The following ADAM22 variants were observed in gnomAD, a reference collection of about 807,000 sequenced individuals.
ADAM22 encodes disintegrin and metalloproteinase domain-containing protein 22.
Under a neutral mutation model 144.6 loss-of-function variants are expected in ADAM22, and 65 were observed. The observed-to-expected ratio is 0.45, with a 90% CI of 0.37 to 0.55. The LOEUF is 0.55. Ranked by LOEUF, ADAM22 falls within the 20% of genes least tolerant of loss-of-function variation. The probability of loss-of-function intolerance (pLI) is 0.00; values close to 1 mark genes in which losing one functional copy is unlikely to be tolerated. For missense variants in ADAM22, 974 were observed against 1,184.9 expected (o/e 0.82, Z 2.61); for synonymous variants, 391 against 412.6 (o/e 0.95, Z 0.63).
At chr7:88,058,535 T>C (rs1341816838) in intron 3 of ADAM22, among the ~76,000 whole-genome samples, 2 of 152,230 alleles carry the variant, frequency 1.3e-5, no homozygotes, top group East Asian at 1.9e-4. Context: ...CTTACCTTCA[T>C]AGGACATAAC....
intron 23 of ADAM22, among the ~76,000 whole-genome samples, chr7:88,165,477 A>G (rs1842740223): frequency 6.6e-6 from 1 of 152,130 alleles, no homozygotes; most frequent in East Asian, 1.9e-4. Context: ...AAGGAAGGAA[A>G]CCTTTGTATT....
intron 3 of ADAM22, among the ~76,000 whole-genome samples, chr7:88,020,257 G>C (rs760590363): frequency 4.6e-5 from 7 of 152,192 alleles, no homozygotes; most frequent in African/African-American, 1.2e-4. Context: ...AAACTCATTA[G>C]TATATTTTTT....
intron 3 of ADAM22, among the ~76,000 whole-genome samples, chr7:87,991,352 ATTTTTTTTTTTTTTT>A (rs10549124): frequency 2.7e-4 from 23 of 86,040 alleles, no homozygotes; most frequent in Admixed American, 1.6e-3. Flanking sequence ...CACTAGCCTT[ATTTTTTTTTTTTTTT>A]TTTTTTTTTT....
intron 7 of ADAM22, among the ~76,000 whole-genome samples, chr7:88,123,896 C>T (rs1462970897): frequency 1.3e-5 from 2 of 151,718 alleles, no homozygotes; most frequent in African/African-American, 4.8e-5. Flanking sequence ...AGCTCAGTAT[C>T]GAAATACTTG....
Position 88,132,656 on chromosome 7 carries a change from A to G in ADAM22, c.993-211A>G. 1 of 410,814 alleles carries G rather than the reference A, an allele frequency of 2.4e-6. No individual in the cohort carries two copies. The highest frequency in any genetic ancestry group is 4.5e-6 in the Non-Finnish European group (1 of 224,566). The allele number at this position is 410,814 out of a possible 1,614,324, so 25.4% of individuals were successfully genotyped here. ...TTTTTAATAGATATACTTCAATTTA[A>G]GATATTTATTAATCTTGCAAGAAAA... is the stretch of plus-strand genomic sequence containing the variant. On this transcript the variant is annotated intron_variant, in intron 11 of 31. Transcript: ENST00000413139.
intron 3 of ADAM22, among the ~76,000 whole-genome samples, chr7:88,046,085 A>G (rs1350505086): frequency 6.6e-6 from 1 of 152,182 alleles, no homozygotes; most frequent in Non-Finnish European, 1.5e-5. Context: ...CATACCCAGA[A>G]GGGGGAGTGC....
At chr7:88,186,744 A>T (rs892234893) in intron 30 of ADAM22, 43 bp downstream of exon 30, 2 of 1,226,064 alleles carry the variant, frequency 1.6e-6, no homozygotes, top group Non-Finnish European at 2.4e-6. Context: ...AAACTCTCCC[A>T]GCACATACAA....
At chr7:88,112,117 T>A (rs531189027) in intron 5 of ADAM22, among the ~76,000 whole-genome samples, 43 of 152,328 alleles carry the variant, frequency 2.8e-4, no homozygotes, top group African/African-American at 9.4e-4. Flanking sequence ...CTGCCATATT[T>A]GGTCTACGTT....
chr7:88,089,610 A>C (rs1819321865), intron 4 of ADAM22, among the ~76,000 whole-genome samples: 1 of 152,138 alleles, frequency 6.6e-6, no homozygotes, highest in Non-Finnish European at 1.5e-5. Context: ...TTCTGTCTTG[A>C]ATTCTCACTT....
intron 4 of ADAM22, among the ~76,000 whole-genome samples, chr7:88,100,401 C>A (rs760458054): frequency 9.9e-5 from 15 of 152,070 alleles, no homozygotes; most frequent in Non-Finnish European, 1.8e-4. Flanking sequence ...CATGTGATAG[C>A]CTCACTTAAT....
chr7:87,938,207 A>ATTTTTTTTTT (rs59698275), intron 2 of ADAM22, among the ~76,000 whole-genome samples: 2 of 75,572 alleles, frequency 2.6e-5, no homozygotes, highest in Non-Finnish European at 4.8e-5. Context: ...ATACCCATAG[A>ATTTTTTTTTT]TTTTTTTTTT....
chr7:88,123,229 T>C (rs952289863), intron 7 of ADAM22, among the ~76,000 whole-genome samples: 2 of 152,144 alleles, frequency 1.3e-5, no homozygotes, highest in Non-Finnish European at 2.9e-5. Flanking sequence ...TGTAGTTTTC[T>C]TTTCTGGTTT....
intron 3 of ADAM22, among the ~76,000 whole-genome samples, chr7:88,003,965 C>T (rs1209060371): frequency 6.6e-6 from 1 of 152,142 alleles, no homozygotes; most frequent in African/African-American, 2.4e-5. Context: ...ACACTCAAGG[C>T]CTGACTCTGC....
intron 14 of ADAM22, among the ~76,000 whole-genome samples, chr7:88,138,297 T>G (rs1407543319): frequency 6.6e-6 from 1 of 152,224 alleles, no homozygotes; most frequent in Non-Finnish European, 1.5e-5. Flanking sequence ...AAATCCTACA[T>G]AGTATATTTG....
intron 4 of ADAM22, among the ~76,000 whole-genome samples, chr7:88,081,060 A>G (rs1332119050): frequency 1.3e-5 from 2 of 152,150 alleles, no homozygotes; most frequent in Non-Finnish European, 2.9e-5. Context: ...TAGATCAATA[A>G]CCTTGACGAA....
chr7:88,183,310 C>T (rs1442261397), intron 29 of ADAM22, among the ~76,000 whole-genome samples: 1 of 152,156 alleles, frequency 6.6e-6, no homozygotes, highest in Non-Finnish European at 1.5e-5. Flanking sequence ...AGCTCCTTAA[C>T]TTATTTTAGT....
chr7:88,130,290 A>C, intron 9 of ADAM22, 98 bp from the exon 10 acceptor site: 1 of 865,276 alleles, frequency 1.2e-6, no homozygotes, highest in Non-Finnish European at 1.7e-6. Flanking sequence ...TTTTTTTTAC[A>C]TTTTTAGGGA....
intron 1 of ADAM22, chr7:87,934,761 C>A: frequency 1.5e-6 from 1 of 657,378 alleles, no homozygotes; most frequent in Non-Finnish European, 2.6e-6. Context: ...CGGTCAAAGC[C>A]TGTTTTTCTC....
chr7:88,077,643 C>G (rs1369101780), intron 4 of ADAM22, among the ~76,000 whole-genome samples: 1 of 152,220 alleles, frequency 6.6e-6, no homozygotes, highest in African/African-American at 2.4e-5. Flanking sequence ...TCACTCCCAC[C>G]CTAATACTGC....
Sources: allele counts gnomAD v4.1 joint callset (sites outside exome capture counted in the v4.1 genomes callset), GRCh38; gene constraint gnomAD v4.1.1; transcripts MANE v1.5; gene names NCBI Gene and HGNC (gene_info 2026-07-23, HGNC 2026-07-21).